BANP: variants seen among roughly 807,000 people sequenced by gnomAD.
The protein encoded by BANP is protein BANP.
BANP carries 11 observed loss-of-function variants against 68.1 expected under a neutral mutation model. The observed-to-expected ratio is 0.16, with a 90% confidence interval of 0.10 to 0.27. The LOEUF (loss-of-function observed/expected upper bound fraction) is 0.27. Ranked by LOEUF, BANP falls within the 10% of genes least tolerant of loss-of-function variation. The probability of loss-of-function intolerance (pLI) is 1.00; values close to 1 mark genes in which losing one functional copy is unlikely to be tolerated. For missense variants in BANP, 504 were observed against 722.7 expected (o/e 0.70, Z 3.47); for synonymous variants, 329 against 303.2 (o/e 1.09, Z -0.88).
At chr16:87,992,174 T>C (rs2066024365) in intron 4 of BANP, among the ~76,000 whole-genome samples, 1 of 152,268 alleles carries the variant, frequency 6.6e-6, no homozygotes, top group Admixed American at 6.5e-5. Flanking sequence ...CGATTTCGAA[T>C]GCTAACCGAA....
chr16:88,054,895 A>G (rs2084596204), intron 11 of BANP, among the ~76,000 whole-genome samples: 1 of 152,192 alleles, frequency 6.6e-6, no homozygotes, highest in East Asian at 1.9e-4. Flanking sequence ...AATGTGCAGT[A>G]TGGTTTGAAC....
Position 88,034,104 on chromosome 16 carries a change from T to G in BANP, c.1200+859T>G, listed in dbSNP as rs548441674. Among the ~76,000 whole-genome samples the G allele has an allele frequency of 9.8e-5, 15 of 152,310 alleles. No homozygotes were observed. The South Asian group carries it at 3.1e-3, about 32-fold the overall frequency. ...GTGGGGCGTGGCTCTCATCTCAGTG[T>G]GGCTTCAGCATGCTGTCTGGAAGAG... On this transcript the variant is annotated intron_variant, in intron 9 of 13. Coordinates refer to ENST00000682872, the MANE Select transcript of BANP (RefSeq NM_001386991.1).
intron 4 of BANP, among the ~76,000 whole-genome samples, chr16:87,989,035 G>A (rs1273052286): frequency 4.6e-5 from 7 of 152,114 alleles, no homozygotes; most frequent in African/African-American, 1.7e-4. Context: ...TGCTTGCCTC[G>A]CTTGGCATTT....
intron 4 of BANP, among the ~76,000 whole-genome samples, chr16:87,990,872 C>T (rs1342419006): frequency 6.6e-6 from 1 of 152,186 alleles, no homozygotes; most frequent in Non-Finnish European, 1.5e-5. Flanking sequence ...ACGCCATTCT[C>T]CTGCTTCAGC....
chr16:87,977,509 A>G (rs2062404392), intron 2 of BANP, among the ~76,000 whole-genome samples: 1 of 152,172 alleles, frequency 6.6e-6, no homozygotes, highest in South Asian at 2.1e-4. Context: ...AGGTGTGCGC[A>G]GCTGCAGGTA....
Position 87,955,536 on chromosome 16 carries a change from C to T in BANP, c.-69+4021C>T, listed in dbSNP as rs115635694. 4.2e-3 allele frequency among the ~76,000 whole-genome samples: 633 copies of T among 152,318 alleles called. 4 individuals are homozygous for T. The highest frequency in any genetic ancestry group is 0.015 in the African/African-American group (611 of 41,552). On this transcript the variant is annotated intron_variant, in intron 1 of 13. Coordinates refer to ENST00000682872, the MANE Select transcript of BANP (RefSeq NM_001386991.1). The stretch of plus-strand genomic sequence containing the variant: ...TATTGCGTAAATGACAGACCTTATT[C>T]GAACTTCGGTTTTGCACCAGTGTCC...
At chr16:87,980,222 A>G (rs1476165317) in intron 2 of BANP, among the ~76,000 whole-genome samples, 1 of 152,244 alleles carries the variant, frequency 6.6e-6, no homozygotes, top group Non-Finnish European at 1.5e-5. Context: ...ACTTCTATCT[A>G]TAACTGCAAA....
rs1266567131 is a variant in BANP at position 88,036,198 on chromosome 16, G to A, written c.1272+804G>A. Among the ~76,000 whole-genome samples, 1 of 152,222 alleles carries A rather than the reference G, an allele frequency of 6.6e-6. No individual in the cohort carries two copies. The highest frequency in any genetic ancestry group is 1.5e-5 in the Non-Finnish European group (1 of 68,042). The stretch of plus-strand genomic sequence containing the variant: ...GTGACCGTGGTGCGCTCTGGGGGAT[G>A]AGGAACATGGCTGTTTCTAGGTCGT... On this transcript the variant is annotated intron_variant, in intron 10 of 13. Transcript: ENST00000682872. The surrounding 1 kb of genome is among the most constrained non-coding windows in gnomAD (Gnocchi z 4.2).
intron 1 of BANP, among the ~76,000 whole-genome samples, chr16:87,960,578 G>A (rs7185208): frequency 6.6e-6 from 1 of 152,162 alleles, no homozygotes; most frequent in East Asian, 1.9e-4. Flanking sequence ...AGTTTCTCCC[G>A]TTGCTAACAA....
chr16:87,984,734 CTGTT>C (rs551893747), intron 4 of BANP, among the ~76,000 whole-genome samples: 58 of 152,352 alleles, frequency 3.8e-4, no homozygotes, highest in African/African-American at 1.3e-3. Flanking sequence ...AGTTTGCAAA[CTGTT>C]TGAGTAGAAC....
chr16:87,995,910 C>T (rs950586026), intron 4 of BANP, among the ~76,000 whole-genome samples: 1 of 152,236 alleles, frequency 6.6e-6, no homozygotes. Context: ...CCTGCGGTGC[C>T]CGGGGTGCGC....
chr16:88,075,369 G>A (rs1006050379), intron 13 of BANP, among the ~76,000 whole-genome samples: 1 of 152,144 alleles, frequency 6.6e-6, no homozygotes, highest in Non-Finnish European at 1.5e-5. Context: ...CGGGCGTGGT[G>A]GTGTGCACTG....
intron 6 of BANP, among the ~76,000 whole-genome samples, chr16:88,007,580 T>G (rs1008106666): frequency 2.6e-5 from 4 of 152,248 alleles, no homozygotes; most frequent in African/African-American, 9.6e-5. Flanking sequence ...CAAACAGACT[T>G]AGCTTTGTGC....
intron 11 of BANP, among the ~76,000 whole-genome samples, chr16:88,047,295 G>A (rs2082251664): frequency 6.6e-6 from 1 of 152,182 alleles, no homozygotes; most frequent in Admixed American, 6.5e-5. Context: ...GAAGGGCCAA[G>A]AATGCTTGCC....
chr16:88,026,724 C>T (rs2077070759), intron 7 of BANP, among the ~76,000 whole-genome samples: 1 of 150,800 alleles, frequency 6.6e-6, no homozygotes, highest in Non-Finnish European at 1.5e-5. Context: ...GACAGAGTAA[C>T]AAAAATACAT....
chr16:87,982,835 T>C (rs1170815982), intron 3 of BANP: 3 of 152,280 alleles, frequency 2.0e-5, no homozygotes, highest in Admixed American at 1.3e-4. Context: ...AGCTACATGA[T>C]GTATGATATC....
rs2085577005 is a variant in BANP, at chr16:88,057,963, G to A, written c.1312-7304G>A. ...TCGGTGTGGGCCCGTGGGCCTGATTGAAGTCACACTCCTGCCCCCTTAAAC... is the reference window on the plus strand; with the variant it reads ...TCGGTGTGGGCCCGTGGGCCTGATTAAAGTCACACTCCTGCCCCCTTAAAC... On this transcript the variant is annotated intron_variant, in intron 11 of 13. Transcript: ENST00000682872. This position sits in a 1 kb window ranked among gnomAD's most constrained non-coding sequence, Gnocchi z 4.6. Among the ~76,000 whole-genome samples, 1 of 152,180 alleles carries A rather than the reference G, an allele frequency of 6.6e-6. No homozygotes were observed. Among genetic ancestry groups the A allele is most frequent in the African/African-American group, 2.4e-5 (1 of 41,440 alleles).
intron 12 of BANP, among the ~76,000 whole-genome samples, chr16:88,069,358 C>G (rs1368627528): frequency 6.6e-6 from 1 of 152,190 alleles, no homozygotes; most frequent in Non-Finnish European, 1.5e-5. Flanking sequence ...AAGGCATTTG[C>G]TCATCAAAAA....
In BANP at chr16:88,064,277, G is replaced by A. The variant is rs1171602418; in HGVS notation, c.1312-990G>A. On this transcript the variant is annotated intron_variant, in intron 11 of 13. Transcript: ENST00000682872. This position sits in a 1 kb window ranked among gnomAD's most constrained non-coding sequence, Gnocchi z 4.5. Reference sequence around the variant, plus strand: ...TGCGTCCACGGCGGGGCCTGCCTCCGTGGCAGCGCTCCCAGCACCCTGTGC... The same window carrying A: ...TGCGTCCACGGCGGGGCCTGCCTCCATGGCAGCGCTCCCAGCACCCTGTGC... Among the ~76,000 whole-genome samples, 9 of 152,308 alleles carry A rather than the reference G, an allele frequency of 5.9e-5. No individual in the cohort carries two copies. Among genetic ancestry groups the A allele is most frequent in the Middle Eastern group, 3.4e-3 (1 of 294 alleles).
Sources: gnomAD v4.1 joint callset for allele counts (sites outside exome capture counted in the v4.1 genomes callset) on GRCh38, gnomAD v4.1.1 for gene constraint, Gnocchi (gnomAD v3.1) non-coding constraint, MANE v1.5 for transcripts, NCBI Gene and HGNC (gene_info 2026-07-23, HGNC 2026-07-21) for gene names.